Variants in ZNF385D observed in about 807,000 individuals in gnomAD.
The protein encoded by ZNF385D is zinc finger protein 659.
Under a neutral mutation model 35.8 loss-of-function variants are expected in ZNF385D, and 15 were observed. The ratio of observed to expected loss-of-function variants is 0.42; its 90% CI spans 0.28 to 0.64. ZNF385D has a LOEUF of 0.64. ZNF385D is among the 30% of genes least tolerant of loss of function. ZNF385D has a pLI of 0.23. For synonymous variants in ZNF385D, 212 were observed against 186.8 expected, an observed-to-expected ratio of 1.13 and a Z score of -1.10; for missense variants, 474 against 494.6, an observed-to-expected ratio of 0.96 and a Z score of 0.39.
intron 7 of ZNF385D, among the ~76,000 whole-genome samples, chr3:21,422,861 A>G (rs1368460168): frequency 6.6e-6 from 1 of 152,140 alleles, no homozygotes; most frequent in Non-Finnish European, 1.5e-5. Context: ...GCCGTGTATG[A>G]CAAACCCACA....
At chr3:22,027,429 G>C (rs896747412) in intron 3 of ZNF385D, among the ~76,000 whole-genome samples, 3 of 152,188 alleles carry the variant, frequency 2.0e-5, no homozygotes, top group Non-Finnish European at 2.9e-5. Flanking sequence ...GTGACAGATA[G>C]GGATGCTGTT....
At chr3:21,804,093 A>G (rs2072527586) in intron 3 of ZNF385D, among the ~76,000 whole-genome samples, 1 of 152,246 alleles carries the variant, frequency 6.6e-6, no homozygotes, top group Non-Finnish European at 1.5e-5. Flanking sequence ...TTGAGAAATC[A>G]GTGCTGCCAC....
chr3:21,647,961 T>C (rs1278896658), intron 2 of ZNF385D, among the ~76,000 whole-genome samples: 1 of 152,166 alleles, frequency 6.6e-6, no homozygotes, highest in Non-Finnish European at 1.5e-5. Context: ...TTTAAAGCAG[T>C]TTTTCTTATA....
At chr3:22,119,361 T>C (rs1359253187) in intron 3 of ZNF385D, among the ~76,000 whole-genome samples, 3 of 152,220 alleles carry the variant, frequency 2.0e-5, no homozygotes, top group Non-Finnish European at 2.9e-5. Context: ...TCTTGTCATA[T>C]AAACTGAAAT....
At chr3:21,912,390 T>C (rs764070117) in intron 3 of ZNF385D, among the ~76,000 whole-genome samples, 1 of 152,054 alleles carries the variant, frequency 6.6e-6, no homozygotes, top group Non-Finnish European at 1.5e-5. Context: ...TTTAAGAGGG[T>C]AATCTCTTAC....
At chr3:22,074,414 G>T (rs1700370683) in intron 3 of ZNF385D, among the ~76,000 whole-genome samples, 1 of 151,954 alleles carries the variant, frequency 6.6e-6, no homozygotes, top group Admixed American at 6.6e-5. Context: ...TATGGGTGGA[G>T]CTAAGCAAAA....
rs187270581 is a variant in ZNF385D, at chr3:22,050,163, T to G, written c.325+118654A>C. 3.2e-3 allele frequency among the ~76,000 whole-genome samples: 481 copies of G among 151,714 alleles called. 2 individuals are homozygous for G. The highest frequency in any genetic ancestry group is 6.9e-3 in the South Asian group (33 of 4,778). ...TGAGGATTGTTTGAGCCCAGGAGTT[T>G]GAGACCAGCCTGGGCAAAAAAGGAA... On this transcript the variant is annotated intron_variant, in intron 3 of 5. Coordinates refer to the ZNF385D transcript ENST00000494108.
chr3:21,601,358 G>T (rs28520931), intron 2 of ZNF385D, among the ~76,000 whole-genome samples: 23,175 of 152,138 alleles, frequency 0.15, 3,074 homozygotes, highest in African/African-American at 0.36. Flanking sequence ...CAGCTAATGA[G>T]GCCATTTGTG....
intron 3 of ZNF385D, among the ~76,000 whole-genome samples, chr3:21,873,302 G>A (rs141947971): frequency 2.6e-5 from 4 of 151,872 alleles, no homozygotes; most frequent in Admixed American, 6.6e-5. Flanking sequence ...CCACATGGGC[G>A]GTATATTTTT....
intron 2 of ZNF385D, among the ~76,000 whole-genome samples, chr3:21,642,247 A>G (rs1381982582): frequency 6.6e-6 from 1 of 152,170 alleles, no homozygotes; most frequent in Non-Finnish European, 1.5e-5. Flanking sequence ...ATTCCATCGC[A>G]GAACTGGCAA....
chr3:21,570,168 C>T (rs144000288), intron 2 of ZNF385D, among the ~76,000 whole-genome samples: 15 of 152,188 alleles, frequency 9.9e-5, no homozygotes, highest in Non-Finnish European at 1.9e-4. Context: ...GACACGCTTA[C>T]CCAAACTCTA....
At chr3:22,212,927 A>T (rs1559455870) in intron 2 of ZNF385D, among the ~76,000 whole-genome samples, 1 of 152,022 alleles carries the variant, frequency 6.6e-6, no homozygotes, top group Non-Finnish European at 1.5e-5. Flanking sequence ...AGGAAAAAAA[A>T]TCAATTGTAT....
intron 2 of ZNF385D, among the ~76,000 whole-genome samples, chr3:22,217,314 A>G (rs1697950632): frequency 6.6e-6 from 1 of 152,082 alleles, no homozygotes; most frequent in African/African-American, 2.4e-5. Flanking sequence ...GTGCCCCATC[A>G]TGCGACCCTC....
chr3:21,908,191 T>A (rs1220906828), intron 3 of ZNF385D, among the ~76,000 whole-genome samples: 1 of 151,792 alleles, frequency 6.6e-6, no homozygotes, highest in East Asian at 1.9e-4. Context: ...TAAAGGATTC[T>A]AGGGAACAGG....
intron 3 of ZNF385D, among the ~76,000 whole-genome samples, chr3:21,844,023 G>T (rs139599101): frequency 6.6e-6 from 1 of 151,902 alleles, no homozygotes; most frequent in African/African-American, 2.4e-5. Flanking sequence ...ACAAAAAGTA[G>T]AAAGTCTTGT....
At chr3:21,976,816 C>T (rs544066468) in intron 3 of ZNF385D, among the ~76,000 whole-genome samples, 2 of 152,224 alleles carry the variant, frequency 1.3e-5, no homozygotes, top group South Asian at 4.1e-4. Flanking sequence ...CATGGTGAAA[C>T]CCCATCTCTG....
chr3:21,640,053 T>C (rs1282063570), intron 2 of ZNF385D, among the ~76,000 whole-genome samples: 1 of 152,084 alleles, frequency 6.6e-6, no homozygotes, highest in Non-Finnish European at 1.5e-5. Flanking sequence ...TTTTCAATTT[T>C]AAAATCAGAA....
At chr3:21,610,934 G>T (rs542048392) in intron 2 of ZNF385D, among the ~76,000 whole-genome samples, 5 of 152,138 alleles carry the variant, frequency 3.3e-5, no homozygotes, top group African/African-American at 1.2e-4. Flanking sequence ...GGGTTTCTTC[G>T]CATTCAGTTT....
chr3:21,597,644 G>T lies in ZNF385D; in HGVS notation c.166-32960C>A, dbSNP rs1431791193. Among the ~76,000 whole-genome samples the T allele has an allele frequency of 3.5e-5, 5 of 144,302 alleles. 1 individual carries two copies. The East Asian group carries it at 1.0e-3, about 29-fold the overall frequency. 94.7% of individuals were successfully genotyped at this position (144,302 alleles called of 152,430 possible). A position where few individuals can be genotyped will look rare whatever the true frequency, so the allele number is the denominator to read the frequency against. On this transcript the variant is annotated intron_variant, in intron 2 of 7. Transcript: ENST00000281523. ...GGCACATACAACAGGGCAATTACAC[G>T]TGAAAATAGATGGAATGTAAAAGAT...
Sources: gnomAD v4.1 joint callset for allele counts (sites outside exome capture counted in the v4.1 genomes callset) on GRCh38, gnomAD v4.1.1 for gene constraint, MANE v1.5 for transcripts, NCBI Gene and HGNC (gene_info 2026-07-23, HGNC 2026-07-21) for gene names.